WNK3: variants seen among roughly 807,000 people sequenced by gnomAD.
WNK3 encodes serine/threonine-protein kinase WNK3.
Under a neutral mutation model 116.7 loss-of-function variants are expected in WNK3, and 18 were observed. The ratio of observed to expected loss-of-function variants is 0.15; its 90% confidence interval spans 0.11 to 0.23. The LOEUF is 0.23. WNK3 is among the 10% of genes least tolerant of loss of function. The probability of loss-of-function intolerance (pLI) is 1.00; values close to 1 mark genes in which losing one functional copy is unlikely to be tolerated. For missense variants in WNK3, 993 were observed against 1,323.8 expected, an observed-to-expected ratio of 0.75 and a Z score of 3.88; for synonymous variants, 404 against 469.4, an observed-to-expected ratio of 0.86 and a Z score of 1.80.
chrX:54,352,502 T>C (rs1288713244), intron 1 of WNK3, among the ~76,000 whole-genome samples: 10 of 110,794 alleles, frequency 9.0e-5, no homozygotes, highest in African/African-American at 3.3e-4. Flanking sequence ...AGGGAGACCT[T>C]GTCTCTACCA....
At chrX:54,305,732 A>G (rs1176204241) in intron 5 of WNK3, among the ~76,000 whole-genome samples, 1 of 110,317 alleles carries the variant, frequency 9.1e-6, no homozygotes, top group African/African-American at 3.3e-5. Flanking sequence ...TAAACTGAAG[A>G]TTGCACCTAT....
chrX:54,198,433 A>G, exon 24 of WNK3: 1 of 1,211,238 alleles, frequency 8.3e-7, no homozygotes, highest in Non-Finnish European at 1.1e-6. Context: ...GGGAATTACT[A>G]CAGATTGTTG....
At chrX:54,310,438 T>C (rs1274000870) in intron 3 of WNK3, among the ~76,000 whole-genome samples, 12 of 109,694 alleles carry the variant, frequency 1.1e-4, no homozygotes, top group African/African-American at 4.0e-4. Context: ...TTCCAGCTAC[T>C]CAGTAGGCTG....
chrX:54,255,830 A>C (rs781943674), exon 12 of WNK3: 1 of 1,209,403 alleles, frequency 8.3e-7, no homozygotes, highest in African/African-American at 1.7e-5. Context: ...TGCCATTTCC[A>C]CTTGGGTTAT....
intron 22 of WNK3, among the ~76,000 whole-genome samples, chrX:54,213,569 C>CA (rs1270214576): frequency 3.4e-4 from 24 of 70,629 alleles, no homozygotes; most frequent in East Asian, 2.0e-3. Context: ...AAAAAACAAA[C>CA]AAAAAAAAAA....
chrX:54,345,331 T>TA (rs2069408268), intron 1 of WNK3, among the ~76,000 whole-genome samples: 1 of 110,590 alleles, frequency 9.0e-6, no homozygotes, highest in Non-Finnish European at 1.9e-5. Flanking sequence ...TGTATGTATT[T>TA]GAGTGGATTC....
At chrX:54,306,500 T>C (rs782391949) in intron 5 of WNK3, among the ~76,000 whole-genome samples, 17 of 111,840 alleles carry the variant, frequency 1.5e-4, no homozygotes, top group Non-Finnish European at 7.5e-5. Flanking sequence ...ACAATGTGGA[T>C]GAACCTAGAA....
intron 1 of WNK3, among the ~76,000 whole-genome samples, chrX:54,346,109 C>T (rs368477225): frequency 2.3e-4 from 8 of 34,413 alleles, no homozygotes; most frequent in Non-Finnish European, 3.5e-4. Flanking sequence ...TATATATATA[C>T]ACACACACAT....
At chrX:54,214,000 G>C (rs1557144439) in intron 22 of WNK3, among the ~76,000 whole-genome samples, 1 of 110,363 alleles carries the variant, frequency 9.1e-6, no homozygotes, top group Non-Finnish European at 1.9e-5. Flanking sequence ...TTTTTGAGAT[G>C]GAGTCTCACT....
At chrX:54,269,312 T>C (rs1667002752) in intron 10 of WNK3, among the ~76,000 whole-genome samples, 1 of 111,680 alleles carries the variant, frequency 9.0e-6, no homozygotes, top group South Asian at 3.7e-4. Context: ...TCTCTAATAA[T>C]TATATGAAAA....
intron 12 of WNK3, among the ~76,000 whole-genome samples, chrX:54,255,067 C>T (rs1383075188): frequency 2.7e-5 from 3 of 110,362 alleles, no homozygotes; most frequent in African/African-American, 9.9e-5. Context: ...GCAACCTCCG[C>T]CTCCTGGGTT....
At chrX:54,271,243 C>CA (rs1310051464) in intron 10 of WNK3, among the ~76,000 whole-genome samples, 12 of 110,136 alleles carry the variant, frequency 1.1e-4, no homozygotes, top group Admixed American at 1.1e-3. Context: ...GAAAAGGGAA[C>CA]AAAAAAAATC....
chrX:54,317,656 G>T (rs1261280267), intron 2 of WNK3, among the ~76,000 whole-genome samples: 1 of 107,692 alleles, frequency 9.3e-6, no homozygotes, highest in African/African-American at 3.4e-5. Context: ...TTTTGAGACG[G>T]AATCTCGCTC....
intron 22 of WNK3, among the ~76,000 whole-genome samples, chrX:54,213,137 T>A (rs1286785156): frequency 1.8e-5 from 2 of 110,345 alleles, no homozygotes; most frequent in Non-Finnish European, 3.8e-5. Flanking sequence ...TGCGCTACCA[T>A]GACGGGCTAA....
intron 2 of WNK3, among the ~76,000 whole-genome samples, chrX:54,320,142 A>G (rs1234673127): frequency 8.9e-6 from 1 of 112,430 alleles, no homozygotes; most frequent in Non-Finnish European, 1.9e-5. Context: ...GTAAAAAGAA[A>G]TATTATCCTT....
chrX:54,255,846 C>A, exon 12 of WNK3: 1 of 1,206,056 alleles, frequency 8.3e-7, no homozygotes, highest in Non-Finnish European at 1.1e-6. Context: ...GTTATCAGGG[C>A]TACTGACGTT....
chrX:54,217,151 T>C (rs1346430662), intron 22 of WNK3, among the ~76,000 whole-genome samples: 3 of 108,397 alleles, frequency 2.8e-5, no homozygotes, highest in Admixed American at 2.0e-4. Flanking sequence ...ACCCCATCTC[T>C]ACTAAAAATA....
chrX:54,299,016 CAT>C (rs2068727847), intron 6 of WNK3, among the ~76,000 whole-genome samples: 1 of 112,015 alleles, frequency 8.9e-6, no homozygotes, highest in Non-Finnish European at 1.9e-5. Flanking sequence ...CCAGAGTATA[CAT>C]ATAACAGATA....
At chrX:54,244,328 CCT>C (rs782497721) in intron 17 of WNK3, among the ~76,000 whole-genome samples, 1 of 111,270 alleles carries the variant, frequency 9.0e-6, no homozygotes, top group African/African-American at 3.3e-5. Context: ...ATCCAGTAGC[CCT>C]TTAAGTAGGT....
Sources: allele counts gnomAD v4.1 joint callset (sites outside exome capture counted in the v4.1 genomes callset), GRCh38; gene constraint gnomAD v4.1.1; transcripts MANE v1.5; gene names NCBI Gene and HGNC (gene_info 2026-07-23, HGNC 2026-07-21).